PCDHGA11: variants seen among roughly 807,000 people sequenced by gnomAD.
PCDHGA11 encodes the protein protocadherin gamma-A11.
PCDHGA11 carries 39 observed loss-of-function variants against 60.4 expected under a neutral mutation model. The ratio of observed to expected loss-of-function variants is 0.65; its 90% CI spans 0.50 to 0.84. PCDHGA11 has a LOEUF of 0.84. Among genes scored for constraint, PCDHGA11 ranks in the 40% least tolerant of loss-of-function variants. PCDHGA11 has a pLI of 0.00. For synonymous variants in PCDHGA11, 533 were observed against 510.3 expected, an observed-to-expected ratio of 1.04 and a Z score of -0.60; for missense variants, 1,165 against 1,197.7, an observed-to-expected ratio of 0.97 and a Z score of 0.40.
At chr5:141,497,223 T>G (rs921763195) in intron 2 of PCDHGA11, among the ~76,000 whole-genome samples, 14 of 151,762 alleles carry the variant, frequency 9.2e-5, no homozygotes, top group African/African-American at 3.4e-4. Context: ...GGGGGGAAGA[T>G]CAGAGAAGGC....
chr5:141,431,435 GC>G lies in PCDHGA11; in HGVS notation c.2433+7776del. On this transcript the variant is annotated intron_variant, in intron 1 of 3. Coordinates refer to ENST00000398587, the MANE Select transcript of PCDHGA11 (RefSeq NM_018914.3). The surrounding 1 kb of genome is among the most constrained non-coding windows in gnomAD (Gnocchi z 4.8). The stretch of plus-strand genomic sequence containing the variant: ...GGGCGACCCGGTGCGCACAGGCACC[GC>G]GCGCATCCGCGTGATGGTTCTGGAT... 1.9e-6 allele frequency: 3 copies of G among 1,613,668 alleles called. No individual in the cohort carries two copies. The highest frequency in any genetic ancestry group is 2.5e-6 in the Non-Finnish European group (3 of 1,180,026).
At chr5:141,495,095 G>C (rs67264863) in intron 2 of PCDHGA11, among the ~76,000 whole-genome samples, 9,751 of 152,126 alleles carry the variant, frequency 0.064, 363 homozygotes, top group South Asian at 0.11. Context: ...TTCCCTCCTC[G>C]CCACGACCGG....
chr5:141,423,169 C>G lies in PCDHGA11; in HGVS notation c.1942C>G (p.Gln648Glu), dbSNP rs747206648. 2 of 1,613,460 alleles carry G rather than the reference C, an allele frequency of 1.2e-6. No homozygotes were observed. The highest frequency in any genetic ancestry group is 3.3e-5 in the Admixed American group (2 of 60,016). ...ALKQSLVVAV[Q>E]DHGQPPLSAT... ...CAAGCAGAGCCTCGTGGTGGCCGTC[C>G]AGGACCACGGCCAGCCCCCTCTCTC... is the stretch of plus-strand genomic sequence containing the variant. The change falls in exon 1 of 4, where the codon CAG becomes GAG. Residue 648 changes from glutamine to glutamate, a missense_variant. Coordinates refer to ENST00000398587, the MANE Select transcript of PCDHGA11 (RefSeq NM_018914.3).
chr5:141,460,681 A>G (rs2098995379), intron 1 of PCDHGA11, among the ~76,000 whole-genome samples: 1 of 152,134 alleles, frequency 6.6e-6, no homozygotes, highest in African/African-American at 2.4e-5. Context: ...ATATATCTAT[A>G]TATCCACCAA....
chr5:141,488,564 G>A (rs1047904416), intron 1 of PCDHGA11, among the ~76,000 whole-genome samples: 4 of 152,154 alleles, frequency 2.6e-5, no homozygotes, highest in Non-Finnish European at 5.9e-5. Context: ...TGAGATTTCC[G>A]CAAAGCATTG....
At chr5:141,503,745 G>A (rs1377110427) in intron 2 of PCDHGA11, among the ~76,000 whole-genome samples, 3 of 152,220 alleles carry the variant, frequency 2.0e-5, no homozygotes, top group South Asian at 2.1e-4. Flanking sequence ...ATGGTATAGA[G>A]GTCACACATG....
At chr5:141,501,288 TATACAC>T (rs201660636) in intron 2 of PCDHGA11, among the ~76,000 whole-genome samples, 3 of 81,324 alleles carry the variant, frequency 3.7e-5, no homozygotes, top group African/African-American at 1.5e-4. Flanking sequence ...GATATTCCCT[TATACAC>T]ACACACACAC....
In PCDHGA11 at chr5:141,491,715, G is replaced by A. The variant is rs1333909488; in HGVS notation, c.2434-3092G>A. 1 of 1,607,782 alleles carries A rather than the reference G, an allele frequency of 6.2e-7. No individual in the cohort carries two copies. Among genetic ancestry groups the A allele is most frequent in the Admixed American group, 1.7e-5 (1 of 58,966 alleles). On this transcript the variant is annotated intron_variant, in intron 1 of 3. Transcript: ENST00000398587. This position sits in a 1 kb window ranked among gnomAD's most constrained non-coding sequence, Gnocchi z 6.9. ...AGCGGAGCCAGGTGAGGGGCTCGGC[G>A]CCGCCCCGGGCGACCCCTGGGGGCG...
At chr5:141,458,513 G>GT (rs537551567) in intron 1 of PCDHGA11, among the ~76,000 whole-genome samples, 9,886 of 146,106 alleles carry the variant, frequency 0.068, 671 homozygotes, top group African/African-American at 0.18. Flanking sequence ...TTGACACTTT[G>GT]TTTTTTTTTT....
intron 1 of PCDHGA11, among the ~76,000 whole-genome samples, chr5:141,474,644 C>G (rs1016496399): frequency 4.6e-5 from 7 of 152,180 alleles, no homozygotes; most frequent in Non-Finnish European, 1.0e-4. Flanking sequence ...CCTATATATC[C>G]TTACTTCTTT....
At chr5:141,471,654 G>A (rs1235665796) in intron 1 of PCDHGA11, 2 of 152,044 alleles carry the variant, frequency 1.3e-5, no homozygotes, top group South Asian at 2.1e-4. Flanking sequence ...CTGGATGTGG[G>A]GATGCAGAAA....
intron 2 of PCDHGA11, 57 bp downstream of exon 2, chr5:141,494,922 C>G: frequency 6.2e-7 from 1 of 1,613,670 alleles, no homozygotes; most frequent in Admixed American, 1.7e-5. Context: ...TCAGGGATGA[C>G]GTGGGAGGAG....
chr5:141,424,690 TA>T (rs796070231), intron 1 of PCDHGA11: 89 of 152,358 alleles, frequency 5.8e-4, no homozygotes, highest in African/African-American at 1.9e-3. Context: ...TCCTTCTGGC[TA>T]TTTTTTTGTT....
Position 141,491,902 on chromosome 5 carries a change from G to C in PCDHGA11, c.2434-2905G>C. On this transcript the variant is annotated intron_variant, in intron 1 of 3. Transcript: ENST00000398587. This position sits in a 1 kb window ranked among gnomAD's most constrained non-coding sequence, Gnocchi z 6.9. ...AGGGATGGGGCTCCGAGCACCGGGG[G>C]TGGTGGCGACTGTGGGCGAGGGGAG... 7.0e-7 allele frequency: 1 copy of C among 1,429,002 alleles called. No individual in the cohort carries two copies. Among genetic ancestry groups the C allele is most frequent in the Non-Finnish European group, 9.3e-7 (1 of 1,079,426 alleles). The allele number at this position is 1,429,002 out of a possible 1,614,324, so 88.5% of individuals were successfully genotyped here. A position where few individuals can be genotyped will look rare whatever the true frequency, so the allele number is the denominator to read the frequency against.
At chr5:141,475,762 G>A (rs4151701) in intron 1 of PCDHGA11, among the ~76,000 whole-genome samples, 9,255 of 152,346 alleles carry the variant, frequency 0.061, 562 homozygotes, top group African/African-American at 0.16. Context: ...CACCGATACT[G>A]GCAAGGCGCT....
Position 141,458,657 on chromosome 5 carries a change from C to T in PCDHGA11, c.2433+34997C>T, listed in dbSNP as rs1214452360. On this transcript the variant is annotated intron_variant, in intron 1 of 3. Coordinates refer to ENST00000398587, the MANE Select transcript of PCDHGA11 (RefSeq NM_018914.3). ...CAATCCCAGCTCACTGCAACCTCCA[C>T]CTCTCGGGTTCAAGCAATTCTACTG... Among the ~76,000 whole-genome samples, 6 of 152,276 alleles carry T rather than the reference C, an allele frequency of 3.9e-5. No homozygotes were observed. In the East Asian group the frequency reaches 9.6e-4, roughly 24 times the overall value.
chr5:141,492,908 A>G (rs1595151443), intron 1 of PCDHGA11, among the ~76,000 whole-genome samples: 2 of 152,302 alleles, frequency 1.3e-5, no homozygotes, highest in African/African-American at 4.8e-5. Context: ...TCGTGATCAC[A>G]ATGTGCCCAG....
At chr5:141,427,934 G>A (rs746648152) in intron 1 of PCDHGA11, 42 of 1,584,338 alleles carry the variant, frequency 2.7e-5, no homozygotes, top group Non-Finnish European at 3.6e-5. Context: ...GCATGTTGGT[G>A]GGCGACCTCA....
At position 141,494,838 on chromosome 5, in the gene PCDHGA11, C is replaced by T; in HGVS notation, c.2465C>T (p.Ser822Phe). 4.3e-6 allele frequency: 7 copies of T among 1,614,166 alleles called. No homozygotes were observed. Among genetic ancestry groups the T allele is most frequent in the Non-Finnish European group, 3.4e-6 (4 of 1,180,032 alleles). Residue 822 changes from serine (S) to phenylalanine (F), a missense_variant, in exon 2 of 4, where the codon TCT becomes TTT. By Grantham distance (155) the Ser-to-Phe change is radical. Transcript: ENST00000398587. ...CCGCCCAACACGGACTGGCGTTTCT[C>T]TCAGGCCCAGAGACCCGGCACCAGC... ...QAPPNTDWRF[S>F]QAQRPGTSGS...
Sources: gnomAD v4.1 joint callset for allele counts (sites outside exome capture counted in the v4.1 genomes callset) on GRCh38, gnomAD v4.1.1 for gene constraint, Gnocchi (gnomAD v3.1) non-coding constraint, MANE v1.5 for transcripts, NCBI Gene and HGNC (gene_info 2026-07-23, HGNC 2026-07-21) for gene names.